The following CHD4 variants were observed in gnomAD, a reference collection of about 807,000 sequenced individuals.
CHD4 encodes the protein chromodomain helicase DNA binding protein 4, also known as ATP-dependent chromatin remodeler CHD4.
Under a neutral mutation model 235.5 loss-of-function variants are expected in CHD4, and 35 were observed. That is an observed-to-expected ratio of 0.15 (90% confidence interval 0.11 to 0.20). The LOEUF is 0.20. Among genes scored for constraint, CHD4 ranks in the 10% least tolerant of loss-of-function variants. CHD4 has a pLI of 1.00. For missense variants in CHD4, 1,329 were observed against 2,432.3 expected (o/e 0.55, Z 9.54); for synonymous variants, 900 against 850.2 (o/e 1.06, Z -1.02).
Position 6,601,712 on chromosome 12 carries a change from G to T in CHD4, c.493C>A (p.His165Asn). ...CGATAATCCTCCTCTGAGAACACGT[G>T]GTCAATGTCTTCCATGCCCCAGTCT... ...LEDWGMEDID[H>N]VFSEEDYRTL... Residue 165 changes from histidine to asparagine, a missense_variant, in exon 5 of 40, where the codon CAC (histidine) becomes AAC (asparagine). Coordinates refer to ENST00000544040, the MANE Select transcript of CHD4 (RefSeq NM_001273.5). 6.2e-7 allele frequency: 1 copy of T among 1,614,138 alleles called. No homozygotes were observed. Among genetic ancestry groups the T allele is most frequent in the South Asian group, 1.1e-5 (1 of 91,080 alleles).
chr12:6,583,768 AGAAG>A (rs1948233850), intron 25 of CHD4: 1 of 166,560 alleles, frequency 6.0e-6, no homozygotes. Flanking sequence ...TTCATAAGAG[AGAAG>A]GAAGGAGAGG....
At chr12:6,602,535 G>T in intron 2 of CHD4, 38 bp from the exon 3 acceptor site, 1 of 1,604,706 alleles carries the variant, frequency 6.2e-7, no homozygotes, top group Non-Finnish European at 8.5e-7. Context: ...GCAGGGAAAA[G>T]ATCAATAGCA....
In CHD4 at chr12:6,582,242, C is replaced by T. The variant is rs142829821; in HGVS notation, c.4410G>A (p.Pro1470=). Residue 1470 remains proline (P), a synonymous_variant, in exon 30 of 40, where the codon CCG becomes CCA. Transcript: ENST00000544040. ...VSLFMRHLCE[P]GADGAETFAD... The stretch of plus-strand genomic sequence containing the variant: ...CAAAGGTCTCAGCCCCATCTGCCCC[C>T]GGCTCACATAAATGCCGCATGAAAA... 1.8e-5 allele frequency: 28 copies of T among 1,598,560 alleles called. No individual in the cohort carries two copies. The highest frequency in any genetic ancestry group is 6.7e-5 in the East Asian group (3 of 44,500).
intron 38 of CHD4, 149 bp downstream of exon 38, chr12:6,572,925 C>A: frequency 2.8e-6 from 2 of 709,504 alleles, no homozygotes; most frequent in South Asian, 2.1e-5. Context: ...CTCTAAGATA[C>A]TAACCTCCCA....
chr12:6,605,188 A>C (rs1948669581), intron 2 of CHD4, among the ~76,000 whole-genome samples: 1 of 152,212 alleles, frequency 6.6e-6, no homozygotes, highest in Non-Finnish European at 1.5e-5. Context: ...GAGAGAAGGC[A>C]GAAGTGAATG....
In CHD4 at chr12:6,593,980, C is replaced by T. The variant is rs184986064; in HGVS notation, c.2314-364G>A. Reference sequence around the variant, plus strand: ...CCTCCCAAGTAGCTGGGATTACAGGCGTGCACCACCACATCCGGCTAATTT... The same window carrying T: ...CCTCCCAAGTAGCTGGGATTACAGGTGTGCACCACCACATCCGGCTAATTT... On this transcript the variant is annotated intron_variant, in intron 15 of 39. Transcript: ENST00000544040. This position sits in a 1 kb window ranked among gnomAD's most constrained non-coding sequence, Gnocchi z 4.9. 6.6e-5 allele frequency among the ~76,000 whole-genome samples: 10 copies of T among 152,266 alleles called. No individual in the cohort carries two copies. Among genetic ancestry groups the T allele is most frequent in the Non-Finnish European group, 1.3e-4 (9 of 68,022 alleles).
chr12:6,580,364 A>C (rs1352999033), intron 33 of CHD4: 1 of 152,212 alleles, frequency 6.6e-6, no homozygotes, highest in Non-Finnish European at 1.5e-5. Flanking sequence ...CTACAGCCCC[A>C]GCAAAAATTC....
Position 6,578,128 on chromosome 12 carries a change from G to C in CHD4, c.5129C>G (p.Ser1710Cys). The change falls in exon 36 of 40, where the codon TCC (serine) becomes TGC (cysteine). Residue 1710 changes from serine (S) to cysteine (C), a missense_variant. By Grantham distance (112) the Ser-to-Cys change is moderately radical (BLOSUM62 -1). Transcript: ENST00000544040. ...IADGGFTELH[S>C]LWQNEERAAT... Reference sequence around the variant, plus strand: ...TGCCCGCTCTTCATTCTGCCAAAGGGAGTGCAACTCTGAGGAGGAATTTAG... The same window carrying C: ...TGCCCGCTCTTCATTCTGCCAAAGGCAGTGCAACTCTGAGGAGGAATTTAG... The C allele has an allele frequency of 6.2e-7, 1 of 1,612,500 alleles. No homozygotes were observed. Among genetic ancestry groups the C allele is most frequent in the East Asian group, 2.2e-5 (1 of 44,886 alleles).
In CHD4 at chr12:6,582,672, G is replaced by A. The variant is rs1317986638; in HGVS notation, c.4313C>T (p.Ala1438Val). 3 of 1,614,014 alleles carry A rather than the reference G, an allele frequency of 1.9e-6. No individual in the cohort carries two copies. The African/African-American group carries it at 4.0e-5, about 22-fold the overall frequency. The change falls in exon 29 of 40, where the codon GCT (alanine) becomes GTT (valine). Residue 1438 changes from alanine to valine, a missense_variant. By Grantham distance (64) the Ala-to-Val change is moderately conservative (BLOSUM62 0). Around this residue, in one of 26 missense-constraint regions of CHD4, gnomAD observed 48 missense variants for 109.6 expected, o/e 0.44. Transcript: ENST00000544040. ...IMRYGMPPQD[A>V]FTTQWLVRDL... ...TCTTACAAGCCACTGGGTAGTAAAAGCATCCTGAGGTGGCATACCATATCG... is the reference window on the plus strand; with the variant it reads ...TCTTACAAGCCACTGGGTAGTAAAAACATCCTGAGGTGGCATACCATATCG...
rs769632474 is a variant in CHD4 at position 6,582,291 on chromosome 12, G to C, written c.4371-10C>G. 1 of 1,552,322 alleles carries C rather than the reference G, an allele frequency of 6.4e-7. No individual in the cohort carries two copies. Among genetic ancestry groups the C allele is most frequent in the Admixed American group, 2.1e-5 (1 of 47,584 alleles). ...AAGAGAGACATATGCCCTGTGTAAA[G>C]AAGTAGAGAAAGAGTTAAATAGGGA... On this transcript the variant is annotated splice_polypyrimidine_tract_variant and intron_variant, in intron 29 of 39. Transcript: ENST00000544040.
At position 6,570,375 on chromosome 12, in the gene CHD4, A is replaced by G; in HGVS notation, c.*301T>C. ...TCAGATCATTTTCTTCAAGCCTGGCAGGAACCCACAACAGTTTGTGTGTAA... is the reference window on the plus strand; with the variant it reads ...TCAGATCATTTTCTTCAAGCCTGGCGGGAACCCACAACAGTTTGTGTGTAA... On this transcript the variant is annotated 3_prime_UTR_variant, in exon 40 of 40. Coordinates refer to ENST00000544040, the MANE Select transcript of CHD4 (RefSeq NM_001273.5). 1 of 420,258 alleles carries G rather than the reference A, an allele frequency of 2.4e-6. No individual in the cohort carries two copies. The highest frequency in any genetic ancestry group is 4.2e-6 in the Non-Finnish European group (1 of 235,646). The allele number at this position is 420,258 out of a possible 1,614,324, so 26.0% of individuals were successfully genotyped here.
Position 6,602,105 on chromosome 12 carries a change from T to C in CHD4, c.293A>G (p.Glu98Gly), listed in dbSNP as rs770418109. ...EGPEFVEEEE[E>G]VALRSDSEGS... ...CTCACTGTCTGAGCGCAGAGCCACC[T>C]CTTCCTCCTCCTCCACAAACTCTGG... The change falls in exon 4 of 40, where the codon GAG (glutamate) becomes GGG (glycine). Residue 98 changes from glutamate (E) to glycine (G), a missense_variant. Transcript: ENST00000544040. 3 of 1,613,726 alleles carry C rather than the reference T, an allele frequency of 1.9e-6. No individual in the cohort carries two copies. The East Asian group carries it at 6.7e-5, about 36-fold the overall frequency.
At chr12:6,598,145 T>C (rs1398549094) in intron 11 of CHD4, 46 bp from the exon 12 acceptor site, 2 of 1,612,144 alleles carry the variant, frequency 1.2e-6, no homozygotes, top group Admixed American at 3.3e-5. Flanking sequence ...CTGTGTTCAT[T>C]CCTTCTATCC....
intron 37 of CHD4, among the ~76,000 whole-genome samples, chr12:6,574,868 G>A (rs910473716): frequency 2.6e-5 from 4 of 152,194 alleles, no homozygotes; most frequent in Admixed American, 1.3e-4. Context: ...GCAAGCTACA[G>A]CCTGTGGGCC....
At position 6,598,369 on chromosome 12, in the gene CHD4, T is replaced by C. The variant is rs1183867025; in HGVS notation, c.1539A>G (p.Pro513=). 6.2e-7 allele frequency: 1 copy of C among 1,613,838 alleles called. No individual in the cohort carries two copies. The highest frequency in any genetic ancestry group is 8.5e-7 in the Non-Finnish European group (1 of 1,179,830). ...GCCGAGGCACTGGTGTGGGAGATGG[T>C]GGCTGACCCCACTTCCAGATTAGGA... The part of the protein sequence containing the change: ...QKILIWKWGQ[P]PSPTPVPRPP... The change falls in exon 11 of 40, where the codon CCA becomes CCG. Residue 513 remains proline (P), a synonymous_variant. Transcript: ENST00000544040.
At chr12:6,606,628 C>T in intron 1 of CHD4, 177 bp from the exon 2 acceptor site, 1 of 382,388 alleles carries the variant, frequency 2.6e-6, no homozygotes, top group South Asian at 5.3e-5. Context: ...GGCTCCCCGG[C>T]AGGCGCCCCC....
chr12:6,580,739 T>G lies in CHD4; in HGVS notation c.4909+305A>C, dbSNP rs997628399. On this transcript the variant is annotated intron_variant, in intron 33 of 39. Transcript: ENST00000544040. ...AAAAAAAAAAAAAAGCCAGGCACAG[T>G]GGCTCATGCCTGTAATCCCAGCAAT... The G allele has an allele frequency of 5.4e-5, 13 of 240,646 alleles. No individual in the cohort carries two copies. The Admixed American group carries it at 6.8e-4, about 13-fold the overall frequency. The allele number at this position is 240,646 out of a possible 1,614,324, so 14.9% of individuals were successfully genotyped here. A position where few individuals can be genotyped will look rare whatever the true frequency, so the allele number is the denominator to read the frequency against.
At chr12:6,602,550 G>A in intron 2 of CHD4, 53 bp from the exon 3 acceptor site, 2 of 1,598,394 alleles carry the variant, frequency 1.3e-6, no homozygotes, top group East Asian at 2.2e-5. Context: ...ATAGCAAAAG[G>A]TTAGGCCCTA....
chr12:6,577,053 C>G (rs1426094080), intron 37 of CHD4, among the ~76,000 whole-genome samples: 1 of 152,152 alleles, frequency 6.6e-6, no homozygotes, highest in African/African-American at 2.4e-5. Context: ...TCTCCTGCAT[C>G]AGCCTCCCAA....
Sources: allele counts gnomAD v4.1 joint callset (sites outside exome capture counted in the v4.1 genomes callset), GRCh38; gene constraint gnomAD v4.1.1; regional missense constraint gnomAD v4.1.1; non-coding constraint Gnocchi (gnomAD v3.1); transcripts MANE v1.5; gene names NCBI Gene and HGNC (gene_info 2026-07-23, HGNC 2026-07-21).